KMT5B: variants seen among roughly 807,000 people sequenced by gnomAD.
KMT5B encodes the protein lysine methyltransferase 5B.
Under a neutral mutation model 83.2 loss-of-function variants are expected in KMT5B, and 10 were observed. The observed-to-expected ratio is 0.12, with a 90% CI of 0.07 to 0.20. The LOEUF (loss-of-function observed/expected upper bound fraction) is 0.20. Among genes scored for constraint, KMT5B ranks in the 10% least tolerant of loss-of-function variants. The pLI, the probability that KMT5B is intolerant of heterozygous loss-of-function variation, is 1.00. For missense variants in KMT5B, 753 were observed against 1,067.2 expected (o/e 0.71, Z 4.10); for synonymous variants, 349 against 388.8 (o/e 0.90, Z 1.20).
intron 1 of KMT5B, among the ~76,000 whole-genome samples, chr11:68,205,549 T>A (rs528365137): frequency 4.9e-4 from 74 of 152,308 alleles, no homozygotes; most frequent in Middle Eastern, 6.8e-3. Flanking sequence ...ACTATTAGAA[T>A]TTCTCATTGA....
At chr11:68,195,532 A>G (rs1858599406) in intron 1 of KMT5B, among the ~76,000 whole-genome samples, 1 of 152,250 alleles carries the variant, frequency 6.6e-6, no homozygotes, top group Non-Finnish European at 1.5e-5. Context: ...AGGTGATTTA[A>G]GCACACAGAA....
intron 1 of KMT5B, among the ~76,000 whole-genome samples, chr11:68,208,176 C>T (rs1860406194): frequency 2.0e-5 from 3 of 149,820 alleles, no homozygotes; most frequent in African/African-American, 7.4e-5. Flanking sequence ...AAGCCAGGCA[C>T]GGTGGCTCAC....
rs78002370 is a variant in KMT5B at position 68,155,815 on chromosome 11, G to A, written c.*1873C>T. 2,788 of 152,360 alleles carry A rather than the reference G, an allele frequency of 0.018. 27 individuals carry two copies. The highest frequency in any genetic ancestry group is 0.024 in the Non-Finnish European group (1,625 of 68,074). The allele number at this position is 152,360 out of a possible 1,614,324, so 9.4% of individuals were successfully genotyped here. A position where few individuals can be genotyped will look rare whatever the true frequency, so the allele number is the denominator to read the frequency against. On this transcript the variant is annotated 3_prime_UTR_variant, in exon 11 of 11. Coordinates refer to ENST00000304363, the MANE Select transcript of KMT5B (RefSeq NM_017635.5). ...AGACCTCCAGACGCAGTGAACGGGGGTATGGGTGGGTGTGGAAGAAGGTCT... is the reference window on the plus strand; with the variant it reads ...AGACCTCCAGACGCAGTGAACGGGGATATGGGTGGGTGTGGAAGAAGGTCT...
chr11:68,193,510 C>CA lies in KMT5B; in HGVS notation c.-76-3359dup, dbSNP rs879822490. 7.1e-3 allele frequency among the ~76,000 whole-genome samples: 999 copies of CA among 140,620 alleles called. 7 individuals are homozygous for CA. The highest frequency in any genetic ancestry group is 0.02 in the African/African-American group (774 of 38,530). 92.3% of individuals were successfully genotyped at this position (140,620 alleles called of 152,430 possible). On this transcript the variant is annotated intron_variant, in intron 1 of 10. Coordinates refer to ENST00000304363, the MANE Select transcript of KMT5B (RefSeq NM_017635.5). ...GTGAGCAGTATGCTTAGGGGAATGG[C>CA]AAAAAAAAAAAATCTGATCAATGCT...
intron 1 of KMT5B, among the ~76,000 whole-genome samples, chr11:68,204,415 T>G (rs760292549): frequency 6.6e-5 from 10 of 152,126 alleles, no homozygotes; most frequent in Non-Finnish European, 1.5e-4. Context: ...AGAGGGAGAT[T>G]TGACACCTCA....
intron 2 of KMT5B, among the ~76,000 whole-genome samples, chr11:68,188,225 C>T (rs185926623): frequency 5.1e-4 from 78 of 151,870 alleles, no homozygotes; most frequent in Admixed American, 2.2e-3. Context: ...GGGGTTTGAC[C>T]GTATTAGCCA....
chr11:68,176,007 C>T (rs1005210999), intron 4 of KMT5B, among the ~76,000 whole-genome samples: 11 of 151,512 alleles, frequency 7.3e-5, no homozygotes, highest in South Asian at 2.1e-4. Context: ...CTCTGCCTCC[C>T]GGGTTCAAGT....
intron 1 of KMT5B, among the ~76,000 whole-genome samples, chr11:68,211,193 C>T (rs1027929269): frequency 2.0e-5 from 3 of 152,224 alleles, no homozygotes; most frequent in African/African-American, 7.2e-5. Context: ...GACACGCAGA[C>T]ACCGGGACAC....
Position 68,174,999 on chromosome 11 carries a change from T to A in KMT5B, c.543+19A>T, listed in dbSNP as rs1490077467. ...TTCTTATCCAAATAGGTTAACAGCA[T>A]CAGTCTTAATAAACTTACATGTTCT... On this transcript the variant is annotated intron_variant, in intron 5 of 10. Coordinates refer to ENST00000304363, the MANE Select transcript of KMT5B (RefSeq NM_017635.5). 2 of 1,604,694 alleles carry A rather than the reference T, an allele frequency of 1.2e-6. No individual in the cohort carries two copies. Among genetic ancestry groups the A allele is most frequent in the Non-Finnish European group, 1.7e-6 (2 of 1,172,238 alleles).
chr11:68,182,964 G>A (rs189589598), intron 3 of KMT5B, among the ~76,000 whole-genome samples: 9 of 151,858 alleles, frequency 5.9e-5, no homozygotes, highest in Admixed American at 2.6e-4. Flanking sequence ...TTGAACTCCC[G>A]ACCTCAGGTG....
intron 4 of KMT5B, chr11:68,176,774 C>T (rs1209325704): frequency 6.6e-6 from 1 of 152,088 alleles, no homozygotes; most frequent in African/African-American, 2.4e-5. Context: ...CAGAGCAAGA[C>T]TCTGTATCAA....
At chr11:68,199,898 T>G (rs1226638289) in intron 1 of KMT5B, among the ~76,000 whole-genome samples, 2 of 152,110 alleles carry the variant, frequency 1.3e-5, no homozygotes, top group Admixed American at 1.3e-4. Context: ...TACCTGCAAA[T>G]GAAGAATGGA....
intron 1 of KMT5B, among the ~76,000 whole-genome samples, chr11:68,209,068 G>C (rs184331915): frequency 2.2e-4 from 34 of 152,242 alleles, no homozygotes; most frequent in African/African-American, 7.9e-4. Flanking sequence ...GAGGAAAGCT[G>C]CAGCTTCCTA....
chr11:68,167,329 G>A, intron 9 of KMT5B, 151 bp from the exon 10 acceptor site: 4 of 800,836 alleles, frequency 5.0e-6, no homozygotes, highest in Non-Finnish European at 7.3e-6. Context: ...AACTCACAAA[G>A]GAAATTAAGT....
chr11:68,172,485 T>A (rs187618162), intron 6 of KMT5B, among the ~76,000 whole-genome samples: 38 of 152,006 alleles, frequency 2.5e-4, no homozygotes, highest in African/African-American at 8.9e-4. Context: ...TCCGCCCACC[T>A]CAGCCTCCCA....
At chr11:68,196,136 G>C (rs997240659) in intron 1 of KMT5B, among the ~76,000 whole-genome samples, 1 of 152,146 alleles carries the variant, frequency 6.6e-6, no homozygotes, top group Non-Finnish European at 1.5e-5. Context: ...CAGCCTGAGT[G>C]ACAGAGCAAG....
rs916148957 is a variant in KMT5B, at chr11:68,154,907, G to C, written c.*2781C>G. 2 of 151,860 alleles carry C rather than the reference G, an allele frequency of 1.3e-5. No individual in the cohort carries two copies. The highest frequency in any genetic ancestry group is 2.4e-5 in the African/African-American group (1 of 41,386). The allele number at this position is 151,860 out of a possible 1,614,324, so 9.4% of individuals were successfully genotyped here. ...TATTAAAATGATTAACCTCAATACT[G>C]CAAGTGCATGTACAAAATATTTGTA... is the stretch of plus-strand genomic sequence containing the variant. On this transcript the variant is annotated 3_prime_UTR_variant, in exon 11 of 11. Coordinates refer to ENST00000304363, the MANE Select transcript of KMT5B (RefSeq NM_017635.5).
At chr11:68,173,448 G>A (rs1012597317) in intron 6 of KMT5B, among the ~76,000 whole-genome samples, 6 of 152,080 alleles carry the variant, frequency 3.9e-5, no homozygotes, top group Non-Finnish European at 8.8e-5. Flanking sequence ...ATAAAACTAG[G>A]ATCATTAAAA....
At chr11:68,196,491 G>A (rs1858727155) in intron 1 of KMT5B, among the ~76,000 whole-genome samples, 2 of 147,224 alleles carry the variant, frequency 1.4e-5, no homozygotes, top group African/African-American at 5.1e-5. Flanking sequence ...ACATCCTAGA[G>A]GCACTCAACT....
Sources: allele counts gnomAD v4.1 joint callset (sites outside exome capture counted in the v4.1 genomes callset), GRCh38; gene constraint gnomAD v4.1.1; transcripts MANE v1.5; gene names NCBI Gene and HGNC (gene_info 2026-07-23, HGNC 2026-07-21).